Variants in TMEM132D observed in about 807,000 individuals in gnomAD.
TMEM132D encodes transmembrane protein 132D, also known as mature OL transmembrane protein.
Under a neutral mutation model 62.3 loss-of-function variants are expected in TMEM132D, and 21 were observed. The ratio of observed to expected loss-of-function variants is 0.34; its 90% CI spans 0.24 to 0.49. TMEM132D has a LOEUF of 0.49. TMEM132D is among the 20% of genes least tolerant of loss of function. TMEM132D has a pLI of 0.99. For synonymous variants in TMEM132D, 621 were observed against 575.6 expected (o/e 1.08, Z -1.13); for missense variants, 1,346 against 1,402.8 (o/e 0.96, Z 0.65).
intron 4 of TMEM132D, among the ~76,000 whole-genome samples, chr12:129,251,712 T>C (rs1459974074): frequency 6.6e-6 from 1 of 152,194 alleles, no homozygotes; most frequent in Admixed American, 6.5e-5. Context: ...ATTTCCCAGC[T>C]TCCTTTGCTG....
At chr12:129,320,977 C>CTAT (rs556983732) in intron 4 of TMEM132D, among the ~76,000 whole-genome samples, 3,672 of 150,288 alleles carry the variant, frequency 0.024, 71 homozygotes, top group Non-Finnish European at 0.038. Flanking sequence ...TATCTATCTA[C>CTAT]CTACCTACCT....
intron 5 of TMEM132D, among the ~76,000 whole-genome samples, chr12:129,206,750 C>T (rs1163703928): frequency 6.6e-6 from 1 of 152,166 alleles, no homozygotes; most frequent in Non-Finnish European, 1.5e-5. Context: ...GGTACATATA[C>T]ACCATGGAAT....
chr12:129,301,071 A>G (rs2135627301), intron 4 of TMEM132D, among the ~76,000 whole-genome samples: 1 of 152,272 alleles, frequency 6.6e-6, no homozygotes, highest in African/African-American at 2.4e-5. Flanking sequence ...CATGTAAGTC[A>G]ACACTTACAC....
chr12:129,170,797 G>C (rs927657194), intron 5 of TMEM132D, among the ~76,000 whole-genome samples: 3 of 105,688 alleles, frequency 2.8e-5, no homozygotes, highest in African/African-American at 9.1e-5. Context: ...GACCCAGCGA[G>C]ACTCCAAGTA....
rs143805577 is a variant in TMEM132D, at chr12:129,225,292, C to T, written c.1300-15629G>A. Among the ~76,000 whole-genome samples, 85 of 152,338 alleles carry T rather than the reference C, an allele frequency of 5.6e-4. 2 individuals carry two copies. In the East Asian group the frequency reaches 0.016, roughly 29 times the overall value. On this transcript the variant is annotated intron_variant, in intron 4 of 8. Transcript: ENST00000422113. ...TCCACGCTGCCTGACTTTAAGAACTCCTCAACCAGCCTGGGAGTGGAGACA... is the reference window on the plus strand; with the variant it reads ...TCCACGCTGCCTGACTTTAAGAACTTCTCAACCAGCCTGGGAGTGGAGACA...
At chr12:129,541,862 A>C (rs1188406792) in intron 2 of TMEM132D, among the ~76,000 whole-genome samples, 1 of 152,210 alleles carries the variant, frequency 6.6e-6, no homozygotes, top group Non-Finnish European at 1.5e-5. Flanking sequence ...TGTTACACAG[A>C]AACCTGGATG....
At chr12:129,721,877 C>T (rs1301513361) in intron 1 of TMEM132D, among the ~76,000 whole-genome samples, 2 of 152,238 alleles carry the variant, frequency 1.3e-5, no homozygotes, top group Non-Finnish European at 2.9e-5. Context: ...GTTGGCCATA[C>T]CTCCTATGCA....
At chr12:129,649,206 T>C (rs1346535037) in intron 2 of TMEM132D, among the ~76,000 whole-genome samples, 1 of 152,222 alleles carries the variant, frequency 6.6e-6, no homozygotes, top group East Asian at 1.9e-4. Context: ...AACAATAGTT[T>C]GTTTACTCCA....
intron 2 of TMEM132D, among the ~76,000 whole-genome samples, chr12:129,542,281 T>C (rs1312934263): frequency 6.6e-6 from 1 of 152,224 alleles, no homozygotes; most frequent in Non-Finnish European, 1.5e-5. Context: ...CACAACCCCC[T>C]AATTTCATTA....
At chr12:129,432,319 TTGGATGGATGGA>T (rs916706920) in intron 3 of TMEM132D, among the ~76,000 whole-genome samples, 81 of 37,658 alleles carry the variant, frequency 2.2e-3, no homozygotes, top group African/African-American at 1.0e-2. Context: ...GGATGGATGC[TTGGATGGATGGA>T]TGGATGGATG....
intron 4 of TMEM132D, among the ~76,000 whole-genome samples, chr12:129,218,363 C>T (rs1176193578): frequency 1.3e-5 from 2 of 152,162 alleles, no homozygotes; most frequent in African/African-American, 4.8e-5. Context: ...AGAGTATATT[C>T]CACAAACCTA....
intron 5 of TMEM132D, among the ~76,000 whole-genome samples, chr12:129,149,568 C>T (rs894681433): frequency 6.6e-6 from 1 of 152,206 alleles, no homozygotes; most frequent in Non-Finnish European, 1.5e-5. Flanking sequence ...TGTCCGTCTC[C>T]AGTGTGTGCG....
chr12:129,511,637 T>C (rs975838228), intron 3 of TMEM132D, among the ~76,000 whole-genome samples: 3 of 152,336 alleles, frequency 2.0e-5, no homozygotes, highest in South Asian at 4.1e-4. Context: ...TATATCTACT[T>C]TTGTGAAATC....
At chr12:129,088,487 G>GA (rs1364064397) in intron 5 of TMEM132D, among the ~76,000 whole-genome samples, 3 of 44,402 alleles carry the variant, frequency 6.8e-5, no homozygotes, top group South Asian at 7.5e-4. Context: ...CCATGACCGG[G>GA]TGTCCTCCAT....
At chr12:129,357,679 AAGAGAG>A (rs140748378) in intron 3 of TMEM132D, among the ~76,000 whole-genome samples, 1 of 151,484 alleles carries the variant, frequency 6.6e-6, no homozygotes, top group African/African-American at 2.4e-5. Flanking sequence ...GAGAGAAAGA[AAGAGAG>A]AGAGAGAGAA....
intron 3 of TMEM132D, among the ~76,000 whole-genome samples, chr12:129,392,203 A>G (rs1199338398): frequency 6.6e-6 from 1 of 151,794 alleles, no homozygotes; most frequent in Non-Finnish European, 1.5e-5. Flanking sequence ...GATTACAGGC[A>G]TGTGCCACCA....
chr12:129,435,054 C>G lies in TMEM132D; in HGVS notation c.1115+96005G>C, dbSNP rs543302595. ...CTTATTTAGATTCCACACAGGCGTG[C>G]GAATGTACCGTATTTGTCCTTCTGT... On this transcript the variant is annotated intron_variant, in intron 3 of 8. Coordinates refer to ENST00000422113, the MANE Select transcript of TMEM132D (RefSeq NM_133448.3). Among the ~76,000 whole-genome samples, 3 of 152,124 alleles carry G rather than the reference C, an allele frequency of 2.0e-5. No homozygotes were observed. The East Asian group carries it at 5.8e-4, about 29-fold the overall frequency.
chr12:129,873,686 G>A (rs866374244), intron 1 of TMEM132D, among the ~76,000 whole-genome samples: 2 of 152,066 alleles, frequency 1.3e-5, no homozygotes, highest in Non-Finnish European at 2.9e-5. Flanking sequence ...GATCAAATGC[G>A]CCAGAAGTAA....
At chr12:129,095,372 C>G (rs569264600) in intron 5 of TMEM132D, among the ~76,000 whole-genome samples, 1 of 90,212 alleles carries the variant, frequency 1.1e-5, no homozygotes, top group Non-Finnish European at 2.1e-5. Flanking sequence ...TTTTTTGAGA[C>G]GGAGTCTCAC....
Sources: allele counts gnomAD v4.1 joint callset (sites outside exome capture counted in the v4.1 genomes callset), GRCh38; gene constraint gnomAD v4.1.1; transcripts MANE v1.5; gene names NCBI Gene and HGNC (gene_info 2026-07-23, HGNC 2026-07-21).